Variants in ALDH9A1 observed in about 807,000 individuals in gnomAD.
ALDH9A1 encodes the protein aldehyde dehydrogenase 9 family member A1.
In ALDH9A1, 42 loss-of-function variants were observed where a neutral mutation model predicts 56.6. The observed-to-expected ratio is 0.74, with a 90% CI of 0.58 to 0.96. The LOEUF (loss-of-function observed/expected upper bound fraction) is 0.96. Among genes scored for constraint, ALDH9A1 ranks in the 40% least tolerant of loss-of-function variants. The pLI is 0.00. For synonymous variants in ALDH9A1, 242 were observed against 236.0 expected, an observed-to-expected ratio of 1.03 and a Z score of -0.23; for missense variants, 661 against 651.5, an observed-to-expected ratio of 1.01 and a Z score of -0.16.
rs534041560 is a variant in ALDH9A1, at chr1:165,698,527, G to A, written c.32C>T (p.Ser11Phe). The part of the protein sequence containing the change: MFLRAGLAAL[S>F]PLLRSLRPSP... ...GGGCCGAAGACTGCGAAGAAGCGGG[G>A]AGAGCGCGGCCAGGCCTGCTCGGAG... The change falls in exon 1 of 11, where the codon TCC becomes TTC. Residue 11 changes from serine (S) to phenylalanine (F), a missense_variant. Transcript: ENST00000354775. The A allele has an allele frequency of 5.6e-6, 9 of 1,610,466 alleles. No individual in the cohort carries two copies. The highest frequency in any genetic ancestry group is 2.2e-5 in the East Asian group (1 of 44,700).
intron 2 of ALDH9A1, among the ~76,000 whole-genome samples, chr1:165,690,422 A>G (rs1649851376): frequency 6.6e-6 from 1 of 152,104 alleles, no homozygotes; most frequent in Admixed American, 6.5e-5. Flanking sequence ...CTTTAAGACT[A>G]TAAAAAGTTT....
chr1:165,675,007 A>G (rs1649304111), intron 6 of ALDH9A1, among the ~76,000 whole-genome samples: 1 of 152,158 alleles, frequency 6.6e-6, no homozygotes, highest in South Asian at 2.1e-4. Flanking sequence ...AGCCTGGCCA[A>G]CATGGTGAAA....
chr1:165,675,348 TTG>T (rs1372486658), intron 6 of ALDH9A1, among the ~76,000 whole-genome samples: 7 of 151,976 alleles, frequency 4.6e-5, no homozygotes, highest in Non-Finnish European at 1.0e-4. Flanking sequence ...TATGTATTCT[TTG>T]TGTGTGTATA....
chr1:165,671,334 G>T (rs529476633), intron 6 of ALDH9A1: 11 of 398,498 alleles, frequency 2.8e-5, no homozygotes, highest in South Asian at 2.1e-4. Context: ...CACTGAAGTG[G>T]GGTTGCTGAA....
Position 165,682,108 on chromosome 1 carries a change from A to C in ALDH9A1, c.591T>G (p.Cys197Trp), listed in dbSNP as rs1175698997. 3.7e-6 allele frequency: 6 copies of C among 1,613,944 alleles called. No homozygotes were observed. Among genetic ancestry groups the C allele is most frequent in the Non-Finnish European group, 5.1e-6 (6 of 1,179,908 alleles). ...AATGGAGGGATAATTCATTCTTACC[A>C]CAGGCTAATGCTGGAGCCGACTTCC... ...ASWKSAPALACGNAMVFKPSP... is the reference protein window; with the variant it reads ...ASWKSAPALAWGNAMVFKPSP... Residue 197 changes from cysteine (C) to tryptophan (W), a missense_variant and splice_region_variant, in exon 4 of 11, where the codon TGT becomes TGG. Cys to Trp is a radical substitution (Grantham distance 215, BLOSUM62 -2). Transcript: ENST00000354775.
rs369595670 is a variant in ALDH9A1 at position 165,667,437 on chromosome 1, G to A, written c.1221C>T (p.Asp407=). The change falls in exon 9 of 11, where the codon GAC becomes GAT. Residue 407 remains aspartate (D), a synonymous_variant. Coordinates refer to ENST00000354775, the MANE Select transcript of ALDH9A1 (RefSeq NM_000696.4). ...TCTCTTCCTTCACACAGGTCATGTC[G>A]TCTCTGCAATTAGCTGCAAACATTA... ...MRPCVLTNCR[D]DMTCVKEEIF... The A allele has an allele frequency of 1.2e-4, 194 of 1,613,900 alleles. 5 individuals carry two copies. The South Asian group carries it at 1.9e-3, about 16-fold the overall frequency.
At chr1:165,675,934 G>C (rs927150656) in intron 6 of ALDH9A1, among the ~76,000 whole-genome samples, 9 of 152,144 alleles carry the variant, frequency 5.9e-5, no homozygotes, top group Non-Finnish European at 1.3e-4. Context: ...ACTATTATTA[G>C]AATACTAAGT....
Position 165,667,312 on chromosome 1 carries a change from G to C in ALDH9A1, c.1346C>G (p.Thr449Ser), listed in dbSNP as rs1459728894. Reference protein sequence around the residue: ...TTFGLAAGVFTRDIQRAHRVV... With the variant: ...TTFGLAAGVFSRDIQRAHRVV... ...CTCAGTGTCCCACTCCACATACCTG[G>C]TAAAGACGCCAGCTGCTAGTCCAAA... Residue 449 changes from threonine to serine, a missense_variant, in exon 9 of 11, where the codon ACC (threonine) becomes AGC (serine). Coordinates refer to ENST00000354775, the MANE Select transcript of ALDH9A1 (RefSeq NM_000696.4). 1 of 1,613,982 alleles carries C rather than the reference G, an allele frequency of 6.2e-7. No individual in the cohort carries two copies. Among genetic ancestry groups the C allele is most frequent in the East Asian group, 2.2e-5 (1 of 44,884 alleles).
intron 2 of ALDH9A1, among the ~76,000 whole-genome samples, 176 bp downstream of exon 2, chr1:165,695,076 C>A (rs1004909576): frequency 6.6e-6 from 1 of 152,036 alleles, no homozygotes; most frequent in South Asian, 2.1e-4. Context: ...AGCCAACATC[C>A]AGATGGGAAG....
At chr1:165,676,781 C>T (rs12083232) in intron 6 of ALDH9A1, 203,922 of 485,870 alleles carry the variant, frequency 0.42, 44,323 homozygotes, top group Middle Eastern at 0.46. Context: ...GAATTCATGG[C>T]ATGATAGGTA....
intron 2 of ALDH9A1, among the ~76,000 whole-genome samples, chr1:165,683,592 T>C (rs1449877218): frequency 2.6e-5 from 4 of 152,226 alleles, no homozygotes; most frequent in African/African-American, 9.6e-5. Context: ...AAAACAGTTC[T>C]TAGGGAAATT....
chr1:165,680,378 T>C, intron 5 of ALDH9A1, 109 bp downstream of exon 5: 1 of 1,183,032 alleles, frequency 8.5e-7, no homozygotes, highest in South Asian at 1.4e-5. Flanking sequence ...CATTCCCAAT[T>C]CAGGCTAGGT....
intron 2 of ALDH9A1, among the ~76,000 whole-genome samples, chr1:165,691,695 C>G (rs1649895320): frequency 6.6e-6 from 1 of 152,184 alleles, no homozygotes; most frequent in South Asian, 2.1e-4. Flanking sequence ...CTATTCCAAT[C>G]ATTAGAAAAA....
At chr1:165,698,197 T>C (rs1650157238) in intron 1 of ALDH9A1, 181 bp downstream of exon 1, 5 of 1,364,766 alleles carry the variant, frequency 3.7e-6, no homozygotes, top group Non-Finnish European at 3.8e-6. Context: ...TACCCATCCC[T>C]GCCCGGAGGC....
intron 6 of ALDH9A1, among the ~76,000 whole-genome samples, chr1:165,678,248 C>T (rs374961451): frequency 2.7e-5 from 4 of 150,282 alleles, no homozygotes; most frequent in African/African-American, 9.8e-5. Context: ...GCGGGGGAAT[C>T]GCTTAAACCT....
intron 6 of ALDH9A1, among the ~76,000 whole-genome samples, chr1:165,669,816 A>G (rs1649121754): frequency 6.6e-6 from 1 of 152,336 alleles, no homozygotes; most frequent in Middle Eastern, 3.4e-3. Context: ...CAGTAAACCT[A>G]TATCAAGAAC....
chr1:165,668,634 A>C, intron 8 of ALDH9A1: 1 of 231,720 alleles, frequency 4.3e-6, no homozygotes, highest in South Asian at 1.1e-4. Flanking sequence ...TTCTCAAGGA[A>C]TTAAATTTAT....
intron 2 of ALDH9A1, among the ~76,000 whole-genome samples, chr1:165,693,779 A>G (rs1217683229): frequency 6.6e-6 from 1 of 152,220 alleles, no homozygotes; most frequent in African/African-American, 2.4e-5. Flanking sequence ...TGTTTATTGC[A>G]GCACTATTCA....
At chr1:165,683,245 G>T in intron 2 of ALDH9A1, 135 bp from the exon 3 acceptor site, 1 of 944,120 alleles carries the variant, frequency 1.1e-6, no homozygotes, top group Non-Finnish European at 1.6e-6. Flanking sequence ...AAATGGCAGT[G>T]TTACATTTAG....
Sources: allele counts gnomAD v4.1 joint callset (sites outside exome capture counted in the v4.1 genomes callset), GRCh38; gene constraint gnomAD v4.1.1; transcripts MANE v1.5; gene names NCBI Gene and HGNC (gene_info 2026-07-23, HGNC 2026-07-21).